Variants in PKD2L1 observed in about 807,000 individuals in gnomAD.
The protein encoded by PKD2L1 is polycystin 2 like 1, transient receptor potential cation channel, also known as polycystin-2-like protein 1.
A neutral mutation model predicts 93.0 loss-of-function variants in PKD2L1; 77 were observed. The observed-to-expected ratio is 0.83, with a 90% CI of 0.69 to 1.00. The LOEUF (loss-of-function observed/expected upper bound fraction) is 1.00, where lower values mean the gene tolerates loss of function less well. PKD2L1 is among the 50% of genes least tolerant of loss of function. PKD2L1 has a pLI of 0.00. For synonymous variants in PKD2L1, 390 were observed against 388.0 expected (o/e 1.01, Z -0.06); for missense variants, 977 against 990.9 (o/e 0.99, Z 0.19).
rs1848491799 is a variant in PKD2L1, at chr10:100,294,977, G to T, written c.1503C>A (p.Thr501=). 6.2e-7 allele frequency: 1 copy of T among 1,614,116 alleles called. No homozygotes were observed. Among genetic ancestry groups the T allele is most frequent in the African/African-American group, 1.3e-5 (1 of 75,040 alleles). Residue 501 remains threonine, a synonymous_variant, in exon 8 of 16, where the codon ACC becomes ACA. Transcript: ENST00000318222. The part of the protein sequence containing the change: ...YAQLGYLLFG[T]QVENFSTFIK... ...TGAAAGTGCTAAAGTTTTCCACTTG[G>T]GTCCCGAAAAGCAGGTAGCCGAGTT...
intron 9 of PKD2L1, among the ~76,000 whole-genome samples, 175 bp from the exon 10 acceptor site, chr10:100,293,554 A>G (rs145162744): frequency 1.3e-5 from 2 of 152,258 alleles, no homozygotes; most frequent in Non-Finnish European, 2.9e-5. Context: ...GCCTTTCAGC[A>G]CAGTTCTGTT....
intron 14 of PKD2L1, 37 bp downstream of exon 14, chr10:100,289,978 G>C: frequency 1.2e-6 from 2 of 1,612,902 alleles, no homozygotes; most frequent in Admixed American, 1.7e-5. Context: ...GAGTTCAGCT[G>C]TGAGGAACTA....
intron 2 of PKD2L1, among the ~76,000 whole-genome samples, chr10:100,320,942 A>G (rs954517538): frequency 6.6e-6 from 1 of 152,240 alleles, no homozygotes; most frequent in Non-Finnish European, 1.5e-5. Context: ...TAATTTAAAG[A>G]AGTGGGAAAA....
intron 11 of PKD2L1, 132 bp from the exon 12 acceptor site, chr10:100,291,559 A>C: frequency 1.2e-6 from 1 of 827,148 alleles, no homozygotes; most frequent in Non-Finnish European, 1.9e-6. Context: ...AAAGTCTAGC[A>C]ATCTTACCCC....
chr10:100,316,272 A>C (rs988874245), intron 2 of PKD2L1, among the ~76,000 whole-genome samples: 2 of 152,200 alleles, frequency 1.3e-5, no homozygotes, highest in African/African-American at 2.4e-5. Flanking sequence ...TCCCAGGTTC[A>C]AGCAATTCTC....
intron 2 of PKD2L1, among the ~76,000 whole-genome samples, chr10:100,319,716 A>G (rs1197944248): frequency 6.6e-6 from 1 of 152,206 alleles, no homozygotes; most frequent in Non-Finnish European, 1.5e-5. Flanking sequence ...CATCCAATTG[A>G]TATTAATTGG....
At chr10:100,326,714 T>C (rs1425868259) in intron 2 of PKD2L1, among the ~76,000 whole-genome samples, 1 of 152,242 alleles carries the variant, frequency 6.6e-6, no homozygotes, top group Non-Finnish European at 1.5e-5. Context: ...TTATCTCACA[T>C]AATCCTATTG....
Position 100,296,968 on chromosome 10 carries a change from T to C in PKD2L1, c.1185+12A>G. On this transcript the variant is annotated intron_variant, in intron 6 of 15. Transcript: ENST00000318222. ...CCCAGAATGTCCCAAGTCCTAGATA[T>C]CTGTCCCTCACCAAGATGACCACCA... 1.3e-6 allele frequency: 2 copies of C among 1,575,142 alleles called. No individual in the cohort carries two copies. The highest frequency in any genetic ancestry group is 1.7e-6 in the Non-Finnish European group (2 of 1,144,946).
Position 100,329,300 on chromosome 10 carries a change from T to G in PKD2L1, c.260A>C (p.Glu87Ala), listed in dbSNP as rs1160395876. ...IRGLWGTTLT[E>A]NTAENRELYI... The stretch of plus-strand genomic sequence containing the variant: ...AAGTTCCCGGTTCTCAGCTGTGTTC[T>G]CAGTCAGGGTTGTTCCCCAAAGTCC... Residue 87 changes from glutamate to alanine, a missense_variant, in exon 2 of 16, where the codon GAG (glutamate) becomes GCG (alanine). Physicochemically the swap from Glu to Ala is moderately radical, Grantham distance 107. Transcript: ENST00000318222. 6.2e-7 allele frequency: 1 copy of G among 1,614,190 alleles called. No homozygotes were observed. Among genetic ancestry groups the G allele is most frequent in the Non-Finnish European group, 8.5e-7 (1 of 1,179,996 alleles).
chr10:100,296,540 G>A (rs960293283), intron 6 of PKD2L1, among the ~76,000 whole-genome samples: 1 of 152,166 alleles, frequency 6.6e-6, no homozygotes, highest in Non-Finnish European at 1.5e-5. Flanking sequence ...ATTGTAAAGG[G>A]CTGTAGGGAA....
Position 100,322,781 on chromosome 10 carries a change from G to A in PKD2L1, c.349+6430C>T, listed in dbSNP as rs565833196. 1.3e-3 allele frequency among the ~76,000 whole-genome samples: 199 copies of A among 152,308 alleles called. 1 individual carries two copies. Among genetic ancestry groups the A allele is most frequent in the African/African-American group, 4.6e-3 (191 of 41,560 alleles). ...TGTTGATGGGTATTAGTAAATTTATGAGCAATACATTTCCAGATAGAGAGG... is the reference window on the plus strand; with the variant it reads ...TGTTGATGGGTATTAGTAAATTTATAAGCAATACATTTCCAGATAGAGAGG... On this transcript the variant is annotated intron_variant, in intron 2 of 15. Coordinates refer to ENST00000318222, the MANE Select transcript of PKD2L1 (RefSeq NM_016112.3).
chr10:100,294,911 C>T, intron 8 of PKD2L1, 31 bp downstream of exon 8: 1 of 1,587,270 alleles, frequency 6.3e-7, no homozygotes, highest in South Asian at 1.1e-5. Context: ...GGTGAGGGGC[C>T]AGGGAGGAGT....
At chr10:100,321,699 G>A (rs1161095849) in intron 2 of PKD2L1, among the ~76,000 whole-genome samples, 96 of 3,242 alleles carry the variant, frequency 0.03, 3 homozygotes, top group South Asian at 0.059. Context: ...AAGAAAGAAA[G>A]AAAGAAAGAA....
chr10:100,306,786 A>G (rs969615433), intron 2 of PKD2L1, among the ~76,000 whole-genome samples: 3 of 140,332 alleles, frequency 2.1e-5, no homozygotes, highest in African/African-American at 7.9e-5. Context: ...GAGCCTTAGG[A>G]GATCAAGGCT....
At chr10:100,328,488 A>G (rs76011481) in intron 2 of PKD2L1, among the ~76,000 whole-genome samples, 3 of 151,836 alleles carry the variant, frequency 2.0e-5, no homozygotes, top group Admixed American at 6.6e-5. Flanking sequence ...TTTTTCTTCC[A>G]TCTTTTTCTC....
intron 2 of PKD2L1, among the ~76,000 whole-genome samples, chr10:100,304,187 T>C (rs1848747366): frequency 6.6e-6 from 1 of 152,204 alleles, no homozygotes; most frequent in Admixed American, 6.5e-5. Context: ...TAAATTAGAA[T>C]CTAAATTTGG....
At chr10:100,319,038 G>T (rs916146468) in intron 2 of PKD2L1, among the ~76,000 whole-genome samples, 1 of 151,706 alleles carries the variant, frequency 6.6e-6, no homozygotes, top group Non-Finnish European at 1.5e-5. Context: ...TAGAGATGGG[G>T]TTTCACCATG....
rs765739447 is a variant in PKD2L1 at position 100,295,146 on chromosome 10, A to C, written c.1357-23T>G. On this transcript the variant is annotated intron_variant, in intron 7 of 15. Coordinates refer to ENST00000318222, the MANE Select transcript of PKD2L1 (RefSeq NM_016112.3). ...TATCTGGAAGGACCATGTTGAACCA[A>C]GGGATGAAGAAGGAAAAGGGAAAAG... 2.4e-5 allele frequency: 39 copies of C among 1,601,828 alleles called. No individual in the cohort carries two copies. In the East Asian group the frequency reaches 7.8e-4, roughly 32 times the overall value.
chr10:100,294,846 G>A (rs2134379619), intron 8 of PKD2L1, 96 bp downstream of exon 8: 3 of 1,315,068 alleles, frequency 2.3e-6, no homozygotes, highest in East Asian at 2.4e-5. Flanking sequence ...ACACAGACAT[G>A]CAGACACGCA....
Sources: allele counts gnomAD v4.1 joint callset (sites outside exome capture counted in the v4.1 genomes callset), GRCh38; gene constraint gnomAD v4.1.1; transcripts MANE v1.5; gene names NCBI Gene and HGNC (gene_info 2026-07-23, HGNC 2026-07-21).